The following ATXN3 variants were observed in gnomAD, a reference collection of about 807,000 sequenced individuals.
ATXN3 encodes ataxin-3.
In ATXN3, 28 loss-of-function variants were observed where a neutral mutation model predicts 58.2. The ratio of observed to expected loss-of-function variants is 0.48; its 90% confidence interval spans 0.36 to 0.66. The LOEUF (loss-of-function observed/expected upper bound fraction) is 0.66. Ranked by LOEUF, ATXN3 falls within the 30% of genes least tolerant of loss-of-function variation. ATXN3 has a pLI of 0.00. For synonymous variants in ATXN3, 113 were observed against 138.5 expected, an observed-to-expected ratio of 0.82 and a Z score of 1.29; for missense variants, 321 against 422.1, an observed-to-expected ratio of 0.76 and a Z score of 2.10.
intron 10 of ATXN3, among the ~76,000 whole-genome samples, chr14:92,065,551 G>A (rs908318756): frequency 1.5e-5 from 2 of 137,490 alleles, no homozygotes; most frequent in Admixed American, 1.4e-4. Context: ...CTGGGCAATT[G>A]CGTCAGTGGA....
rs564774169 is a variant in ATXN3 at position 92,103,044 on chromosome 14, G to T, written c.24+3485C>A. On this transcript the variant is annotated intron_variant, in intron 1 of 10. Coordinates refer to ENST00000644486, the MANE Select transcript of ATXN3 (RefSeq NM_004993.6). ...CAAGTTTAGATATTATTACCAGTTTGCATTACATTAAAAGCACCAATACAA... is the reference window on the plus strand; with the variant it reads ...CAAGTTTAGATATTATTACCAGTTTTCATTACATTAAAAGCACCAATACAA... Among the ~76,000 whole-genome samples, 150 of 150,730 alleles carry T rather than the reference G, an allele frequency of 1.0e-3. 1 individual carries two copies. Among genetic ancestry groups the T allele is most frequent in the African/African-American group, 3.5e-3 (145 of 41,020 alleles).
chr14:92,071,142 A>G, intron 9 of ATXN3, 89 bp from the exon 10 acceptor site: 1 of 1,493,384 alleles, frequency 6.7e-7, no homozygotes, highest in African/African-American at 1.4e-5. Flanking sequence ...AGGAAAATAC[A>G]TTGTTTCACG....
At chr14:92,047,050 G>GCTGAAGTAATGAGGGCTGTAC (rs772250616) in intron 2 of ATXN3, among the ~76,000 whole-genome samples, 70 of 152,340 alleles carry the variant, frequency 4.6e-4, no homozygotes, top group Admixed American at 1.2e-3. Flanking sequence ...AAAGAGCTTG[G>GCTGAAGTAATGAGGGCTGTAC]CTGAAGTAAT....
chr14:92,087,712 G>A (rs575512398), intron 6 of ATXN3, among the ~76,000 whole-genome samples: 9 of 152,252 alleles, frequency 5.9e-5, no homozygotes, highest in Middle Eastern at 3.4e-3. Flanking sequence ...GGAAGAATGC[G>A]TATAAAGGAA....
chr14:92,101,501 C>G (rs1435898575), intron 1 of ATXN3, among the ~76,000 whole-genome samples: 2 of 152,196 alleles, frequency 1.3e-5, no homozygotes, highest in Non-Finnish European at 2.9e-5. Context: ...AGCCACCTCT[C>G]TCATCAAGCT....
rs187390001 is a variant in ATXN3 at position 92,089,429 on chromosome 14, C to T, written c.388-612G>A. ...TCTCGGCTCACTGCAAGCTCCGCCTCCCGGGTTCATGCCATCCTCCTGCCT... is the reference window on the plus strand; with the variant it reads ...TCTCGGCTCACTGCAAGCTCCGCCTTCCGGGTTCATGCCATCCTCCTGCCT... On this transcript the variant is annotated intron_variant, in intron 5 of 10. Transcript: ENST00000644486. 1.4e-3 allele frequency among the ~76,000 whole-genome samples: 212 copies of T among 150,904 alleles called. 1 individual carries two copies. The highest frequency in any genetic ancestry group is 2.4e-3 in the Admixed American group (36 of 15,108).
chr14:92,046,165 G>A (rs1054259172), intron 2 of ATXN3: 1 of 152,270 alleles, frequency 6.6e-6, no homozygotes, highest in Non-Finnish European at 1.5e-5. Flanking sequence ...TTTTGCAAGA[G>A]CGAGGGCTCG....
chr14:92,082,523 A>G (rs2061640313), intron 7 of ATXN3, 57 bp from the exon 8 acceptor site: 22 of 1,470,932 alleles, frequency 1.5e-5, no homozygotes, highest in Non-Finnish European at 2.0e-5. Context: ...TAGACATAAC[A>G]TAAAGGCATT....
intron 2 of ATXN3, among the ~76,000 whole-genome samples, chr14:92,045,262 G>A (rs1428821654): frequency 1.3e-5 from 2 of 152,164 alleles, no homozygotes; most frequent in East Asian, 3.9e-4. Flanking sequence ...AGGACGGTAA[G>A]GGGTATGAAG....
chr14:92,079,556 TA>T, intron 9 of ATXN3: 2 of 386,786 alleles, frequency 5.2e-6, no homozygotes, highest in Non-Finnish European at 7.1e-6. Context: ...GTGCTGCTAA[TA>T]TACTGTCAAT....
chr14:92,051,865 T>C (rs992605860), upstream of ATXN3, among the ~76,000 whole-genome samples: 1 of 151,040 alleles, frequency 6.6e-6, no homozygotes, highest in Non-Finnish European at 1.5e-5. Flanking sequence ...GTAGCTGGGA[T>C]TACAGGCATG....
intron 9 of ATXN3, among the ~76,000 whole-genome samples, chr14:92,071,826 C>A (rs2059504808): frequency 6.6e-6 from 1 of 152,158 alleles, no homozygotes; most frequent in African/African-American, 2.4e-5. Flanking sequence ...CCCAGAGATG[C>A]CTTTCCTGAC....
intron 10 of ATXN3, among the ~76,000 whole-genome samples, chr14:92,069,637 G>A (rs1159633557): frequency 6.6e-6 from 1 of 152,214 alleles, no homozygotes. Flanking sequence ...CTCCCAAAGT[G>A]CTGGGATTAT....
In ATXN3 at chr14:92,091,834, C is replaced by A. The variant is rs867365826; in HGVS notation, c.387+1418G>T. On this transcript the variant is annotated intron_variant, in intron 5 of 10. Coordinates refer to ENST00000644486, the MANE Select transcript of ATXN3 (RefSeq NM_004993.6). Reference sequence around the variant, plus strand: ...CCTAGCACCTGGGACTACGGCCATGCATCACCACGCCTAGCCAATTTTTTT... The same window carrying A: ...CCTAGCACCTGGGACTACGGCCATGAATCACCACGCCTAGCCAATTTTTTT... 3.3e-5 allele frequency among the ~76,000 whole-genome samples: 5 copies of A among 151,840 alleles called. No homozygotes were observed. In the South Asian group the frequency reaches 1.0e-3, roughly 32 times the overall value.
At position 92,083,206 on chromosome 14, in the gene ATXN3, T is replaced by G; in HGVS notation, c.528A>C (p.Gln176His). The G allele has an allele frequency of 6.2e-7, 1 of 1,613,746 alleles. No homozygotes were observed. The change falls in exon 7 of 11, where the codon CAA becomes CAC. Residue 176 changes from glutamine (Q) to histidine (H), a missense_variant. Around this residue, in one of 2 missense-constraint regions of ATXN3, gnomAD observed 200 missense variants for 223.2 expected, o/e 0.90. Transcript: ENST00000644486. ...KGDLPDCEADQLLQMIRVQQM... is the reference protein window; with the variant it reads ...KGDLPDCEADHLLQMIRVQQM... ...GTTGGACCCTAATCATCTGCAGGAG[T>G]TGGTCAGCTTCGCAATCTGGCAGAT...
intron 9 of ATXN3, chr14:92,071,471 CT>C (rs2059441583): frequency 1.4e-5 from 5 of 348,180 alleles, no homozygotes; most frequent in East Asian, 7.7e-5. Context: ...TGGCAGGCAC[CT>C]GTAATCCCAG....
intron 10 of ATXN3, among the ~76,000 whole-genome samples, chr14:92,068,779 AG>A (rs777117773): frequency 7.2e-5 from 11 of 151,936 alleles, no homozygotes; most frequent in Non-Finnish European, 1.2e-4. Context: ...TAGTTGAGAC[AG>A]GGTTTCTCCA....
chr14:92,056,377 A>G (rs1335757818), downstream of ATXN3, among the ~76,000 whole-genome samples: 1 of 152,180 alleles, frequency 6.6e-6, no homozygotes, highest in Admixed American at 6.5e-5. Context: ...GTTTTCTTTG[A>G]TGGATAAATG....
At chr14:92,092,321 G>A (rs1436979650) in intron 5 of ATXN3, among the ~76,000 whole-genome samples, 1 of 152,102 alleles carries the variant, frequency 6.6e-6, no homozygotes, top group Non-Finnish European at 1.5e-5. Flanking sequence ...TACTGTCCTA[G>A]CTGGTTTTCA....
Sources: gnomAD v4.1 joint callset for allele counts (sites outside exome capture counted in the v4.1 genomes callset) on GRCh38, gnomAD v4.1.1 for gene constraint, gnomAD v4.1.1 regional missense constraint, MANE v1.5 for transcripts, NCBI Gene and HGNC (gene_info 2026-07-23, HGNC 2026-07-21) for gene names.